The following DNAH11 variants were observed in gnomAD, a reference collection of about 807,000 sequenced individuals.
DNAH11 encodes the protein axonemal beta dynein heavy chain 11.
Under a neutral mutation model 526.0 loss-of-function variants are expected in DNAH11, and 442 were observed. The ratio of observed to expected loss-of-function variants is 0.84; its 90% CI spans 0.78 to 0.91. The LOEUF is 0.91. Ranked by LOEUF, DNAH11 falls within the 40% of genes least tolerant of loss-of-function variation. The pLI, the probability that DNAH11 is intolerant of heterozygous loss-of-function variation, is 0.00. For missense variants in DNAH11, 6,989 were observed against 5,448.7 expected (o/e 1.28, Z -8.90); for synonymous variants, 2,461 against 1,935.9 (o/e 1.27, Z -7.12).
intron 47 of DNAH11, 96 bp from the exon 48 acceptor site, chr7:21,739,475 G>T: frequency 2.4e-6 from 2 of 821,818 alleles, no homozygotes; most frequent in Non-Finnish European, 3.9e-6. Flanking sequence ...TGAAGATAAG[G>T]AGGTAATCTG....
intron 54 of DNAH11, among the ~76,000 whole-genome samples, chr7:21,751,855 C>A (rs1368307688): frequency 6.6e-6 from 1 of 152,212 alleles, no homozygotes; most frequent in African/African-American, 2.4e-5. Context: ...CAGGTAGTAA[C>A]AAGGCCAGGG....
chr7:21,777,274 T>C (rs76274709), intron 56 of DNAH11, among the ~76,000 whole-genome samples: 3,655 of 152,308 alleles, frequency 0.024, 68 homozygotes, highest in Non-Finnish European at 0.035. Flanking sequence ...TCCTTTTTTA[T>C]TGTTGAGCAG....
At chr7:21,702,560 G>A (rs1784109445) in intron 36 of DNAH11, 150 bp from the exon 37 acceptor site, 1 of 654,104 alleles carries the variant, frequency 1.5e-6, no homozygotes, top group Admixed American at 2.9e-5. Flanking sequence ...GATTTTCACA[G>A]TTTCAAAGAG....
chr7:21,763,902 C>G (rs754465297), intron 54 of DNAH11, among the ~76,000 whole-genome samples: 2 of 151,510 alleles, frequency 1.3e-5, no homozygotes, highest in Admixed American at 6.6e-5. Context: ...GGATGAACCT[C>G]GAGGACATCA....
chr7:21,745,835 A>C (rs1786126040), intron 51 of DNAH11, among the ~76,000 whole-genome samples: 1 of 152,216 alleles, frequency 6.6e-6, no homozygotes. Context: ...TGAAGAGGTG[A>C]CATTTAAAGC....
chr7:21,573,022 G>A (rs1583492249), intron 8 of DNAH11, among the ~76,000 whole-genome samples: 1 of 152,204 alleles, frequency 6.6e-6, no homozygotes, highest in African/African-American at 2.4e-5. Context: ...GAGGAGGAGT[G>A]TGAGACTGAG....
intron 30 of DNAH11, among the ~76,000 whole-genome samples, chr7:21,668,914 G>C (rs1388523054): frequency 6.6e-6 from 1 of 152,154 alleles, no homozygotes; most frequent in East Asian, 1.9e-4. Flanking sequence ...CAGTCAAACA[G>C]TTCTCTATTG....
intron 55 of DNAH11, among the ~76,000 whole-genome samples, chr7:21,767,357 T>C (rs746740993): frequency 1.3e-5 from 2 of 152,170 alleles, no homozygotes; most frequent in Non-Finnish European, 2.9e-5. Context: ...ACAGTGCTTT[T>C]TACAGTTTCT....
intron 25 of DNAH11, among the ~76,000 whole-genome samples, chr7:21,627,921 G>GT (rs964171549): frequency 1.3e-5 from 2 of 151,906 alleles, no homozygotes; most frequent in Non-Finnish European, 2.9e-5. Context: ...ATATCTTTCT[G>GT]TTTTTTGTGT....
At position 21,707,796 on chromosome 7, in the gene DNAH11, G is replaced by T. The variant is rs781247656; in HGVS notation, c.6644G>T (p.Gly2215Val). The change falls in exon 40 of 82, where the codon GGT (glycine) becomes GTT (valine). Residue 2215 changes from glycine to valine, a missense_variant. Physicochemically the swap from Gly to Val is moderately radical, Grantham distance 109. Transcript: ENST00000409508. ...GCTGTGACAACAGATGAACTCTTTG[G>T]TTTCATACATCATGCTACCCGAGAA... The part of the protein sequence containing the change: ...PKAVTTDELF[G>V]FIHHATREWK... The T allele has an allele frequency of 6.2e-7, 1 of 1,609,738 alleles. No individual in the cohort carries two copies. Among genetic ancestry groups the T allele is most frequent in the Admixed American group, 1.7e-5 (1 of 59,292 alleles).
At chr7:21,653,043 ATT>A (rs922867815) in intron 28 of DNAH11, among the ~76,000 whole-genome samples, 2 of 151,996 alleles carry the variant, frequency 1.3e-5, no homozygotes, top group African/African-American at 4.8e-5. Context: ...TGCCCAGCTA[ATT>A]TTGTATTTGT....
In DNAH11 at chr7:21,710,583, C is replaced by T; in HGVS notation, c.6714C>T (p.Phe2238=). The part of the protein sequence containing the change: ...KIVYSYFIGL[F]SSILREQANL... ...TTTACTCTTATTTTATAGGTCTCTT[C>T]TCATCCATTCTACGAGAACAAGCAA... The change falls in exon 41 of 82, where the codon TTC becomes TTT. Residue 2238 remains phenylalanine, a synonymous_variant. Transcript: ENST00000409508. 1 of 1,612,074 alleles carries T rather than the reference C, an allele frequency of 6.2e-7. No homozygotes were observed. Among genetic ancestry groups the T allele is most frequent in the South Asian group, 1.1e-5 (1 of 90,892 alleles).
chr7:21,881,244 AT>A (rs1562601091), intron 75 of DNAH11, among the ~76,000 whole-genome samples: 1 of 152,246 alleles, frequency 6.6e-6, no homozygotes, highest in East Asian at 1.9e-4. Context: ...ACATACAGCA[AT>A]TCTGACAGTT....
intron 20 of DNAH11, among the ~76,000 whole-genome samples, chr7:21,611,481 T>C (rs894014344): frequency 2.0e-5 from 3 of 152,192 alleles, no homozygotes; most frequent in African/African-American, 7.2e-5. Flanking sequence ...CTCATGTATC[T>C]ATTTATTTTT....
At position 21,739,688 on chromosome 7, in the gene DNAH11, A is replaced by T. The variant is rs375999899; in HGVS notation, c.7914+15A>T. Reference sequence around the variant, plus strand: ...CCAGGCTACAGGTAGGGTGTTGAATACTGCTCTCAAAAACTGTAGGTCTGT... The same window carrying T: ...CCAGGCTACAGGTAGGGTGTTGAATTCTGCTCTCAAAAACTGTAGGTCTGT... On this transcript the variant is annotated intron_variant, in intron 48 of 81. Coordinates refer to ENST00000409508, the MANE Select transcript of DNAH11 (RefSeq NM_001277115.2). 1 of 1,589,296 alleles carries T rather than the reference A, an allele frequency of 6.3e-7. No homozygotes were observed. Among genetic ancestry groups the T allele is most frequent in the African/African-American group, 1.3e-5 (1 of 74,590 alleles).
chr7:21,772,489 C>G (rs1787483507), intron 55 of DNAH11, among the ~76,000 whole-genome samples: 2 of 151,832 alleles, frequency 1.3e-5, no homozygotes, highest in South Asian at 4.1e-4. Flanking sequence ...CTGCACATGT[C>G]TGTATTGAAG....
At chr7:21,759,941 G>C (rs1278457584) in intron 54 of DNAH11, among the ~76,000 whole-genome samples, 1 of 152,220 alleles carries the variant, frequency 6.6e-6, no homozygotes, top group South Asian at 2.1e-4. Flanking sequence ...CCAAATGTGA[G>C]AGCTGCAGGA....
At chr7:21,884,645 G>C (rs1350834800) in intron 76 of DNAH11, among the ~76,000 whole-genome samples, 2 of 152,120 alleles carry the variant, frequency 1.3e-5, no homozygotes, top group African/African-American at 4.8e-5. Context: ...GAGTGCACCA[G>C]CGTGAGGCAG....
In DNAH11 at chr7:21,787,592, C is replaced by G. The variant is rs773437384; in HGVS notation, c.9924+9C>G. On this transcript the variant is annotated intron_variant, in intron 60 of 81. Coordinates refer to ENST00000409508, the MANE Select transcript of DNAH11 (RefSeq NM_001277115.2). ...TCATTAAATTCTATGAGGTATCAAT[C>G]CTAAATTGATTGTTTACAGATGTTC... 6.3e-7 allele frequency: 1 copy of G among 1,595,344 alleles called. No individual in the cohort carries two copies. Among genetic ancestry groups the G allele is most frequent in the African/African-American group, 1.3e-5 (1 of 74,428 alleles).
Sources: gnomAD v4.1 joint callset for allele counts (sites outside exome capture counted in the v4.1 genomes callset) on GRCh38, gnomAD v4.1.1 for gene constraint, MANE v1.5 for transcripts, NCBI Gene and HGNC (gene_info 2026-07-23, HGNC 2026-07-21) for gene names.